TENM2: variants seen among roughly 807,000 people sequenced by gnomAD.
TENM2 encodes the protein teneurin transmembrane protein 2.
In TENM2, 52 loss-of-function variants were observed where a neutral mutation model predicts 245.2. That is an observed-to-expected ratio of 0.21 (90% CI 0.17 to 0.27). The LOEUF (loss-of-function observed/expected upper bound fraction) is 0.27, where lower values mean the gene tolerates loss of function less well. Among genes scored for constraint, TENM2 ranks in the 10% least tolerant of loss-of-function variants. TENM2 has a pLI of 1.00. For synonymous variants in TENM2, 1,363 were observed against 1,438.9 expected, an observed-to-expected ratio of 0.95 and a Z score of 1.19; for missense variants, 3,046 against 3,666.8, an observed-to-expected ratio of 0.83 and a Z score of 4.37.
intron 7 of TENM2, among the ~76,000 whole-genome samples, chr5:168,063,955 CTCCA>C (rs3083411): frequency 2.6e-3 from 396 of 151,562 alleles, no homozygotes; most frequent in Non-Finnish European, 3.9e-3. Flanking sequence ...TCAGTGAGTC[CTCCA>C]TCCATCCATC....
intron 2 of TENM2, among the ~76,000 whole-genome samples, chr5:167,713,448 G>C (rs1000876339): frequency 2.6e-5 from 4 of 151,708 alleles, no homozygotes; most frequent in Admixed American, 6.6e-5. Flanking sequence ...CATGGGTACT[G>C]ATCTCATACA....
At chr5:168,157,633 T>C (rs1214344277) in intron 12 of TENM2, among the ~76,000 whole-genome samples, 1 of 151,530 alleles carries the variant, frequency 6.6e-6, no homozygotes, top group Non-Finnish European at 1.5e-5. Flanking sequence ...CAAGAGAAGG[T>C]AGGAGAGGAG....
chr5:167,060,158 A>G, the TENM2 span, among the ~76,000 whole-genome samples: 1 of 152,178 alleles, frequency 6.6e-6, no homozygotes, highest in Non-Finnish European at 1.5e-5. Context: ...AAATATTGAA[A>G]TACACCTTAT....
chr5:167,325,978 T>C (rs1757050840), intron 1 of TENM2, among the ~76,000 whole-genome samples: 1 of 152,148 alleles, frequency 6.6e-6, no homozygotes, highest in African/African-American at 2.4e-5. Flanking sequence ...GAAAGAACCC[T>C]TTACATGGAC....
At chr5:168,226,014 T>G in intron 23 of TENM2, 74 bp from the exon 26 acceptor site, 1 of 1,405,004 alleles carries the variant, frequency 7.1e-7, no homozygotes, top group Non-Finnish European at 9.7e-7. Context: ...TCTGGCCCTG[T>G]GAGTCTTGGG....
the TENM2 span, among the ~76,000 whole-genome samples, chr5:167,244,361 A>T: frequency 6.6e-6 from 1 of 152,184 alleles, no homozygotes; most frequent in African/African-American, 2.4e-5. Context: ...GTGTTAACCT[A>T]ACTCCCACAC....
chr5:168,198,803 T>C lies in TENM2; in HGVS notation c.2901-50T>C. ...GGGGAGGAGGAGAGGCATCCTGCCTTGTCTAAAAGTGAGTCTACCCCCTCA... is the reference window on the plus strand; with the variant it reads ...GGGGAGGAGGAGAGGCATCCTGCCTCGTCTAAAAGTGAGTCTACCCCCTCA... On this transcript the variant is annotated intron_variant, in intron 15 of 28. Coordinates refer to ENST00000518659, the Ensembl canonical transcript of TENM2. 3 of 1,587,082 alleles carry C rather than the reference T, an allele frequency of 1.9e-6. No individual in the cohort carries two copies. In the South Asian group the frequency reaches 3.4e-5, roughly 18 times the overall value.
intron 3 of TENM2, chr5:167,935,021 G>T: frequency 1.6e-6 from 1 of 608,906 alleles, no homozygotes; most frequent in Non-Finnish European, 2.1e-6. Context: ...GCCCTCATGA[G>T]TGCGAGCGGG....
At chr5:167,188,885 T>G in the TENM2 span, among the ~76,000 whole-genome samples, 1 of 152,202 alleles carries the variant, frequency 6.6e-6, no homozygotes, top group Non-Finnish European at 1.5e-5. Context: ...GAGAAATTAT[T>G]CAGCATATTT....
At chr5:167,539,852 G>A (rs545037540) in intron 2 of TENM2, among the ~76,000 whole-genome samples, 42 of 152,134 alleles carry the variant, frequency 2.8e-4, no homozygotes, top group Non-Finnish European at 3.1e-4. Context: ...ATGGAAAAGG[G>A]GGAACTGGAA....
intron 12 of TENM2, chr5:168,139,627 T>C (rs1191614594): frequency 2.2e-6 from 1 of 452,954 alleles, no homozygotes; most frequent in South Asian, 1.6e-5. Flanking sequence ...AGTATCTGTG[T>C]TGATTCAGGG....
chr5:167,515,200 C>T (rs1447229200), intron 2 of TENM2, among the ~76,000 whole-genome samples: 1 of 151,996 alleles, frequency 6.6e-6, no homozygotes, highest in Admixed American at 6.6e-5. Flanking sequence ...TTGCCAATGA[C>T]ATTTAAGCAT....
intron 3 of TENM2, among the ~76,000 whole-genome samples, chr5:167,929,117 GAAAGAAAGA>G (rs1561946111): frequency 1.5e-5 from 1 of 67,208 alleles, no homozygotes; most frequent in African/African-American, 5.9e-5. Context: ...AAGAAAGAAA[GAAAGAAAGA>G]AAGAAAAGAA....
chr5:167,875,424 G>A (rs904528545), intron 2 of TENM2, among the ~76,000 whole-genome samples: 61 of 152,138 alleles, frequency 4.0e-4, no homozygotes, highest in Admixed American at 3.7e-3. Flanking sequence ...ATGAGAGTGA[G>A]GTAGGAGAGG....
intron 1 of TENM2, among the ~76,000 whole-genome samples, chr5:167,294,558 G>T (rs777169001): frequency 2.0e-5 from 3 of 152,118 alleles, no homozygotes; most frequent in Non-Finnish European, 2.9e-5. Flanking sequence ...GTGCAAACTT[G>T]ACCTGTCATT....
At chr5:167,915,622 A>C (rs552172543) in intron 3 of TENM2, among the ~76,000 whole-genome samples, 2 of 152,164 alleles carry the variant, frequency 1.3e-5, no homozygotes, top group South Asian at 4.2e-4. Flanking sequence ...CCTCATCCCC[A>C]TTCTCCAATC....
At chr5:167,512,514 T>A (rs1276016162) in intron 2 of TENM2, among the ~76,000 whole-genome samples, 1 of 152,208 alleles carries the variant, frequency 6.6e-6, no homozygotes, top group Non-Finnish European at 1.5e-5. Context: ...TGTAGTGGAA[T>A]CTTTTGCTGT....
the TENM2 span, among the ~76,000 whole-genome samples, chr5:167,072,975 T>C: frequency 6.6e-6 from 1 of 152,338 alleles, no homozygotes; most frequent in East Asian, 1.9e-4. Flanking sequence ...GGATAACAAA[T>C]AGATATTCTA....
chr5:167,878,592 T>C (rs1027284395), intron 3 of TENM2, among the ~76,000 whole-genome samples: 44 of 151,980 alleles, frequency 2.9e-4, no homozygotes, highest in Non-Finnish European at 6.0e-4. Context: ...TGTGTGTGTG[T>C]GTGTGTGTGT....
Sources: gnomAD v4.1 joint callset for allele counts (sites outside exome capture counted in the v4.1 genomes callset) on GRCh38, gnomAD v4.1.1 for gene constraint, MANE v1.5 for transcripts, NCBI Gene and HGNC (gene_info 2026-07-23, HGNC 2026-07-21) for gene names.